LRRC74A: variants seen among roughly 807,000 people sequenced by gnomAD.
The protein encoded by LRRC74A is leucine rich repeat containing 74A.
Under a neutral mutation model 57.9 loss-of-function variants are expected in LRRC74A, and 44 were observed. That is an observed-to-expected ratio of 0.76 (90% CI 0.60 to 0.98). The LOEUF (loss-of-function observed/expected upper bound fraction) is 0.98, where lower values mean the gene tolerates loss of function less well. Ranked by LOEUF, LRRC74A falls within the 50% of genes least tolerant of loss-of-function variation. The pLI is 0.00. For synonymous variants in LRRC74A, 211 were observed against 219.4 expected, an observed-to-expected ratio of 0.96 and a Z score of 0.34; for missense variants, 572 against 574.0, an observed-to-expected ratio of 1.00 and a Z score of 0.04.
rs201068712 is a variant in LRRC74A, at chr14:76,840,396, G to C, written c.544+2425G>C. On this transcript the variant is annotated intron_variant, in intron 5 of 13. Coordinates refer to ENST00000689127, the MANE Select transcript of LRRC74A (RefSeq NM_001385106.1). ...TATATCTAGTACTTGTTTGTGCATG[G>C]AATGAAGTAGAAATCAGATGTTTTA... Among the ~76,000 whole-genome samples the C allele has an allele frequency of 3.3e-5, 5 of 152,142 alleles. No homozygotes were observed. The East Asian group carries it at 9.7e-4, about 29-fold the overall frequency.
chr14:76,827,093 A>G (rs1371869813), intron 1 of LRRC74A, among the ~76,000 whole-genome samples: 1 of 152,202 alleles, frequency 6.6e-6, no homozygotes, highest in Non-Finnish European at 1.5e-5. Context: ...CTGGAGAATC[A>G]ATTGTTAAAA....
chr14:76,844,346 C>A, intron 5 of LRRC74A, 77 bp from the exon 6 acceptor site: 1 of 1,334,844 alleles, frequency 7.5e-7, no homozygotes, highest in South Asian at 1.2e-5. Context: ...GGGAAGTGGA[C>A]TGGGAGGGGC....
At chr14:76,869,660 G>A (rs983802124) in intron 13 of LRRC74A, among the ~76,000 whole-genome samples, 6 of 151,942 alleles carry the variant, frequency 3.9e-5, no homozygotes, top group Non-Finnish European at 7.4e-5. Context: ...TACTTGGGAG[G>A]CTGAGGCAGG....
At chr14:76,845,406 G>T (rs1343828023) in intron 7 of LRRC74A, among the ~76,000 whole-genome samples, 1 of 152,012 alleles carries the variant, frequency 6.6e-6, no homozygotes, top group East Asian at 1.9e-4. Context: ...GCAAACACCT[G>T]GACATGGGAA....
In LRRC74A at chr14:76,846,957, A is replaced by G. The variant is rs1326514134; in HGVS notation, c.676+2056A>G. ...TAGATGTATTTAAAACCATGAGGCA[A>G]GATGAAGTCATCTAGTCAGGGAGTG... On this transcript the variant is annotated intron_variant, in intron 7 of 13. Transcript: ENST00000689127. Among the ~76,000 whole-genome samples, 10 of 152,342 alleles carry G rather than the reference A, an allele frequency of 6.6e-5. No individual in the cohort carries two copies. The East Asian group carries it at 9.6e-4, about 15-fold the overall frequency.
intron 7 of LRRC74A, 75 bp from the exon 8 acceptor site, chr14:76,852,290 A>G (rs1897550411): frequency 1.7e-6 from 2 of 1,174,678 alleles, no homozygotes; most frequent in African/African-American, 1.5e-5. Context: ...CCCCAGTGTC[A>G]TGGACATCTG....
intron 7 of LRRC74A, among the ~76,000 whole-genome samples, chr14:76,846,860 G>A (rs1391733303): frequency 6.6e-6 from 1 of 152,168 alleles, no homozygotes; most frequent in Non-Finnish European, 1.5e-5. Context: ...TCAGGTAGAT[G>A]GTTTGCTATA....
intron 11 of LRRC74A, among the ~76,000 whole-genome samples, chr14:76,862,435 C>T (rs1414586089): frequency 1.2e-4 from 2 of 17,182 alleles, no homozygotes; most frequent in African/African-American, 2.8e-4. Context: ...GAAACTGAGG[C>T]ACAAGAATCG....
intron 4 of LRRC74A, among the ~76,000 whole-genome samples, chr14:76,837,100 C>T (rs1342909666): frequency 6.6e-6 from 1 of 152,106 alleles, no homozygotes; most frequent in Non-Finnish European, 1.5e-5. Context: ...CGAGATGACG[C>T]CACTGCACTC....
chr14:76,828,217 C>A, intron 1 of LRRC74A, 74 bp from the exon 2 acceptor site: 1 of 1,515,340 alleles, frequency 6.6e-7, no homozygotes, highest in Non-Finnish European at 8.9e-7. Context: ...GATGGAGGGG[C>A]GGCAGCGGCA....
At chr14:76,846,268 A>G (rs1440539974) in intron 7 of LRRC74A, among the ~76,000 whole-genome samples, 1 of 152,202 alleles carries the variant, frequency 6.6e-6, no homozygotes, top group African/African-American at 2.4e-5. Context: ...TTTTAAAGCC[A>G]GTGAATGTCA....
chr14:76,838,454 A>C (rs1896522511), intron 5 of LRRC74A, among the ~76,000 whole-genome samples: 1 of 152,220 alleles, frequency 6.6e-6, no homozygotes, highest in African/African-American at 2.4e-5. Flanking sequence ...AGGTGAATAG[A>C]ATTAGTGGAA....
intron 7 of LRRC74A, among the ~76,000 whole-genome samples, chr14:76,847,283 A>T (rs1897169189): frequency 6.6e-6 from 1 of 152,180 alleles, no homozygotes; most frequent in African/African-American, 2.4e-5. Context: ...AAGACAGGGA[A>T]TCAACCTAAA....
intron 6 of LRRC74A, 65 bp from the exon 7 acceptor site, chr14:76,844,755 G>A: frequency 1.1e-6 from 1 of 907,368 alleles, no homozygotes; most frequent in Non-Finnish European, 1.8e-6. Flanking sequence ...ACTGCCCTGA[G>A]ATAAGTAAGA....
intron 1 of LRRC74A, among the ~76,000 whole-genome samples, chr14:76,827,482 A>G (rs1448760305): frequency 6.6e-6 from 1 of 152,182 alleles, no homozygotes; most frequent in Admixed American, 6.5e-5. Context: ...GAGTCCTGTC[A>G]GTGCCTAAGG....
At chr14:76,837,838 GCTTTTTTA>G in intron 4 of LRRC74A, 29 bp from the exon 5 acceptor site, 1 of 1,329,652 alleles carries the variant, frequency 7.5e-7, no homozygotes, top group East Asian at 2.5e-5. Flanking sequence ...CCTTTGGTGA[GCTTTTTTA>G]CATACCGAAG....
At chr14:76,847,200 T>C (rs1205663882) in intron 7 of LRRC74A, among the ~76,000 whole-genome samples, 8 of 151,990 alleles carry the variant, frequency 5.3e-5, no homozygotes, top group East Asian at 1.9e-4. Context: ...GAGGATAAAA[T>C]AGTAACCATG....
At chr14:76,848,956 C>G (rs1256563204) in intron 7 of LRRC74A, among the ~76,000 whole-genome samples, 1 of 152,138 alleles carries the variant, frequency 6.6e-6, no homozygotes, top group Non-Finnish European at 1.5e-5. Context: ...CCGCTATTTT[C>G]TCAGTGAAGT....
At chr14:76,832,248 C>A (rs1270409865) in intron 3 of LRRC74A, among the ~76,000 whole-genome samples, 1 of 152,170 alleles carries the variant, frequency 6.6e-6, no homozygotes, top group African/African-American at 2.4e-5. Flanking sequence ...GTTTAATGAT[C>A]ACAGGGTGGC....
Sources: gnomAD v4.1 joint callset for allele counts (sites outside exome capture counted in the v4.1 genomes callset) on GRCh38, gnomAD v4.1.1 for gene constraint, MANE v1.5 for transcripts, NCBI Gene and HGNC (gene_info 2026-07-23, HGNC 2026-07-21) for gene names.